The following SACM1L variants were observed in gnomAD, a reference collection of about 807,000 sequenced individuals.
SACM1L encodes SAC1 like phosphatidylinositide phosphatase.
Under a neutral mutation model 89.5 loss-of-function variants are expected in SACM1L, and 32 were observed. The ratio of observed to expected loss-of-function variants is 0.36; its 90% CI spans 0.27 to 0.48. The LOEUF is 0.48. SACM1L is among the 20% of genes least tolerant of loss of function. The probability of loss-of-function intolerance (pLI) is 0.99; values close to 1 mark genes in which losing one functional copy is unlikely to be tolerated. For missense variants in SACM1L, 543 were observed against 708.5 expected (o/e 0.77, Z 2.65); for synonymous variants, 213 against 232.8 (o/e 0.92, Z 0.77).
At chr3:45,726,473 A>G (rs937253298) in intron 11 of SACM1L, among the ~76,000 whole-genome samples, 11 of 151,984 alleles carry the variant, frequency 7.2e-5, no homozygotes, top group East Asian at 5.8e-4. Context: ...GAATTTGCCA[A>G]TCTGGGTTAT....
At chr3:45,724,061 A>G (rs956545029) in intron 11 of SACM1L, among the ~76,000 whole-genome samples, 4 of 151,942 alleles carry the variant, frequency 2.6e-5, no homozygotes, top group African/African-American at 4.8e-5. Flanking sequence ...TTTGGCTATT[A>G]TGAATAATGT....
chr3:45,689,603 G>T (rs1697917942), intron 1 of SACM1L, 106 bp downstream of exon 1: 1 of 1,317,382 alleles, frequency 7.6e-7, no homozygotes, highest in Non-Finnish European at 1.1e-6. Context: ...TAGGGTGTGG[G>T]AGCTCCTCGC....
chr3:45,690,804 G>A (rs1390633453), intron 1 of SACM1L, among the ~76,000 whole-genome samples: 1 of 152,154 alleles, frequency 6.6e-6, no homozygotes, highest in Non-Finnish European at 1.5e-5. Flanking sequence ...AGAGTTGAAG[G>A]AAGTGTCTTC....
At chr3:45,705,447 G>T (rs759660319) in intron 3 of SACM1L, among the ~76,000 whole-genome samples, 4 of 149,842 alleles carry the variant, frequency 2.7e-5, no homozygotes, top group South Asian at 4.2e-4. Flanking sequence ...TTCAGTTAGA[G>T]TTGAAATCCT....
At chr3:45,705,293 A>C in intron 3 of SACM1L, 84 bp downstream of exon 3, 2 of 780,322 alleles carry the variant, frequency 2.6e-6, no homozygotes, top group South Asian at 1.6e-5. Flanking sequence ...TATACGATGA[A>C]GTAATACTTT....
In SACM1L at chr3:45,699,340, T is replaced by TA. The variant is rs542328142; in HGVS notation, c.33-4091dup. Among the ~76,000 whole-genome samples, 733 of 151,110 alleles carry TA rather than the reference T, an allele frequency of 4.9e-3. 3 individuals are homozygous for TA. The highest frequency in any genetic ancestry group is 7.2e-3 in the Non-Finnish European group (486 of 67,696). Reference sequence around the variant, plus strand: ...AGCAGTAATGGTAAAAATAAAAAAATAAAAAAATGCTCATATTAGGCTGGG... The same window carrying TA: ...AGCAGTAATGGTAAAAATAAAAAAATAAAAAAAATGCTCATATTAGGCTGGG... On this transcript the variant is annotated intron_variant, in intron 1 of 19. Transcript: ENST00000389061.
chr3:45,703,651 T>C (rs961065200), intron 2 of SACM1L, 116 bp downstream of exon 2: 10 of 565,780 alleles, frequency 1.8e-5, no homozygotes, highest in Non-Finnish European at 2.7e-5. Context: ...TGCATTCTTA[T>C]TAAAATTTTT....
intron 1 of SACM1L, 86 bp from the exon 2 acceptor site, chr3:45,703,352 T>C: frequency 1.1e-6 from 1 of 906,644 alleles, no homozygotes. Context: ...ATGTCAAATT[T>C]ATACTCTGTA....
chr3:45,709,090 A>G (rs933287783), intron 4 of SACM1L, among the ~76,000 whole-genome samples: 5 of 152,080 alleles, frequency 3.3e-5, no homozygotes, highest in African/African-American at 1.2e-4. Flanking sequence ...TCGTAAATTT[A>G]TGTGTTTTAT....
intron 14 of SACM1L, 98 bp downstream of exon 14, chr3:45,735,471 C>A: frequency 8.5e-7 from 1 of 1,174,716 alleles, no homozygotes; most frequent in Non-Finnish European, 1.2e-6. Context: ...TTGCCCACAC[C>A]CTAACCCAGC....
chr3:45,709,805 A>G (rs963327498), intron 5 of SACM1L, among the ~76,000 whole-genome samples, 158 bp downstream of exon 5: 1 of 152,222 alleles, frequency 6.6e-6, no homozygotes, highest in Non-Finnish European at 1.5e-5. Flanking sequence ...ATACATCACA[A>G]TCCCAGTGTG....
intron 5 of SACM1L, 47 bp downstream of exon 5, chr3:45,709,694 A>G (rs747220171): frequency 4.6e-6 from 7 of 1,527,190 alleles, no homozygotes; most frequent in Non-Finnish European, 6.2e-6. Context: ...TTTAAAAGGG[A>G]CATGTCTCTG....
At chr3:45,710,734 A>G (rs779862086) in intron 5 of SACM1L, among the ~76,000 whole-genome samples, 7 of 152,232 alleles carry the variant, frequency 4.6e-5, no homozygotes, top group South Asian at 2.1e-4. Flanking sequence ...ACCAATAAAA[A>G]TGGTTATTTC....
chr3:45,724,731 A>G (rs1698877431), intron 11 of SACM1L, among the ~76,000 whole-genome samples: 1 of 151,828 alleles, frequency 6.6e-6, no homozygotes, highest in African/African-American at 2.4e-5. Flanking sequence ...ACTTACCCCT[A>G]TATTTTCTTT....
At chr3:45,726,124 A>G (rs1186650189) in intron 11 of SACM1L, among the ~76,000 whole-genome samples, 2 of 152,140 alleles carry the variant, frequency 1.3e-5, no homozygotes, top group African/African-American at 4.8e-5. Flanking sequence ...GGATTTTTAC[A>G]TTAATATTCA....
Position 45,735,390 on chromosome 3 carries a change from T to C in SACM1L, c.1239+17T>C. On this transcript the variant is annotated intron_variant, in intron 14 of 19. Coordinates refer to ENST00000389061, the MANE Select transcript of SACM1L (RefSeq NM_014016.5). ...CAACTTCAGGTGCGAATGCTTTTTT[T>C]TTTTTTAATTGAAAAACAACACAGC... 6.7e-7 allele frequency: 1 copy of C among 1,485,700 alleles called. No homozygotes were observed. The highest frequency in any genetic ancestry group is 1.4e-5 in the South Asian group (1 of 71,936). 92.0% of individuals were successfully genotyped at this position (1,485,700 alleles called of 1,614,324 possible). A position where few individuals can be genotyped will look rare whatever the true frequency, so the allele number is the denominator to read the frequency against.
At chr3:45,709,060 T>C (rs1393323889) in intron 4 of SACM1L, among the ~76,000 whole-genome samples, 1 of 152,254 alleles carries the variant, frequency 6.6e-6, no homozygotes, top group Non-Finnish European at 1.5e-5. Context: ...TGTTATTTGC[T>C]GTTTGCATTA....
At chr3:45,712,634 CT>C (rs778011921) in intron 5 of SACM1L, among the ~76,000 whole-genome samples, 7 of 152,146 alleles carry the variant, frequency 4.6e-5, no homozygotes, top group Non-Finnish European at 1.0e-4. Context: ...TAATTAGGGG[CT>C]GCCAGATCCT....
rs180818851 is a variant in SACM1L, at chr3:45,712,555, T to C, written c.484-582T>C. 3.5e-3 allele frequency among the ~76,000 whole-genome samples: 526 copies of C among 152,302 alleles called. 1 individual carries two copies. Among genetic ancestry groups the C allele is most frequent in the Middle Eastern group, 0.01 (3 of 294 alleles). ...CTGGCCCTAAGTAGAGTTGATTAAA[T>C]ATAGATTGTTGAGGGAGCCTCTTCT... On this transcript the variant is annotated intron_variant, in intron 5 of 19. Coordinates refer to ENST00000389061, the MANE Select transcript of SACM1L (RefSeq NM_014016.5).
Sources: allele counts gnomAD v4.1 joint callset (sites outside exome capture counted in the v4.1 genomes callset), GRCh38; gene constraint gnomAD v4.1.1; transcripts MANE v1.5; gene names NCBI Gene and HGNC (gene_info 2026-07-23, HGNC 2026-07-21).